NMRK1: variants seen among roughly 807,000 people sequenced by gnomAD.
The protein encoded by NMRK1 is NRK 1.
Under a neutral mutation model 29.9 loss-of-function variants are expected in NMRK1, and 28 were observed. The ratio of observed to expected loss-of-function variants is 0.94; its 90% CI spans 0.69 to 1.28. The LOEUF is 1.28. Among genes scored for constraint, NMRK1 ranks in the 50% most tolerant of loss-of-function variants. The pLI is 0.00. For synonymous variants in NMRK1, 58 were observed against 73.0 expected, an observed-to-expected ratio of 0.79 and a Z score of 1.05; for missense variants, 218 against 233.1, an observed-to-expected ratio of 0.94 and a Z score of 0.42.
chr9:75,078,526 G>C (rs1215907977), intron 2 of NMRK1: 3 of 1,301,642 alleles, frequency 2.3e-6, no homozygotes, highest in Non-Finnish European at 2.9e-6. Flanking sequence ...ACACGGGAGG[G>C]AGGCACTTCT....
At chr9:75,064,827 T>C (rs949545708) in intron 8 of NMRK1, among the ~76,000 whole-genome samples, 12 of 152,242 alleles carry the variant, frequency 7.9e-5, no homozygotes, top group Non-Finnish European at 1.6e-4. Context: ...AGTCATACTG[T>C]CTTCTCTGAG....
At chr9:75,063,368 TAAAAC>T (rs1823150449) in intron 8 of NMRK1, among the ~76,000 whole-genome samples, 1 of 148,694 alleles carries the variant, frequency 6.7e-6, no homozygotes, top group African/African-American at 2.5e-5. Context: ...TAAAAATAAA[TAAAAC>T]AAAAAATAAA....
chr9:75,076,145 T>G (rs1482985932), intron 4 of NMRK1, among the ~76,000 whole-genome samples: 1 of 152,226 alleles, frequency 6.6e-6, no homozygotes, highest in Non-Finnish European at 1.5e-5. Flanking sequence ...TGCAGCACTA[T>G]TCACAAATAG....
At position 75,069,102 on chromosome 9, in the gene NMRK1, A is replaced by C; in HGVS notation, c.390T>G (p.Ser130Arg). Reference protein sequence around the residue: ...IPYEECKRRRSTRVYQPPDSP... With the variant: ...IPYEECKRRRRTRVYQPPDSP... ...AGTCTGGAGGCTGATAGACCCTTGTACTATCAAAACACGTAGGAAACTTTA... is the reference window on the plus strand; with the variant it reads ...AGTCTGGAGGCTGATAGACCCTTGTCCTATCAAAACACGTAGGAAACTTTA... Residue 130 changes from serine to arginine, a missense_variant and splice_region_variant, in exon 7 of 9, where the codon AGT becomes AGG. Coordinates refer to ENST00000361092, the MANE Select transcript of NMRK1 (RefSeq NM_017881.3). The C allele has an allele frequency of 1.3e-6, 2 of 1,599,044 alleles. No homozygotes were observed. The highest frequency in any genetic ancestry group is 1.7e-5 in the Admixed American group (1 of 59,542).
chr9:75,063,148 T>C (rs993669406), intron 8 of NMRK1, among the ~76,000 whole-genome samples: 3 of 150,988 alleles, frequency 2.0e-5, no homozygotes. Context: ...ACTAAAAAAA[T>C]ATAAAAAATT....
intron 7 of NMRK1, among the ~76,000 whole-genome samples, chr9:75,068,430 T>G (rs943611657): frequency 6.6e-6 from 1 of 152,226 alleles, no homozygotes; most frequent in African/African-American, 2.4e-5. Context: ...GAAAGCTTTC[T>G]CAACACCAGC....
At chr9:75,066,207 T>C in intron 8 of NMRK1, 3 of 500,050 alleles carry the variant, frequency 6.0e-6, no homozygotes, top group Non-Finnish European at 1.2e-5. Context: ...CAGCTGAGCC[T>C]GAAGCCACCA....
intron 1 of NMRK1, among the ~76,000 whole-genome samples, chr9:75,083,998 A>G (rs949779612): frequency 2.6e-5 from 4 of 152,212 alleles, no homozygotes; most frequent in Non-Finnish European, 5.9e-5. Context: ...GCAAATGTTC[A>G]GGCAGAGGGC....
At chr9:75,070,065 A>G (rs780490385) in intron 4 of NMRK1, 23 bp from the exon 5 acceptor site, 1 of 1,601,290 alleles carries the variant, frequency 6.2e-7, no homozygotes. Context: ...ACACAAAAAT[A>G]TGCAATCAAT....
At chr9:75,079,232 G>A (rs929894151) in intron 2 of NMRK1, among the ~76,000 whole-genome samples, 1 of 152,132 alleles carries the variant, frequency 6.6e-6, no homozygotes, top group African/African-American at 2.4e-5. Flanking sequence ...TATACAATTG[G>A]GTAGGATATG....
Position 75,085,739 on chromosome 9 carries a change from T to G in NMRK1, c.-36+2269A>C, listed in dbSNP as rs1006475181. Reference sequence around the variant, plus strand: ...AGTCAAATGTAAGTTTTTTTTTTTTTTTTTTTTTTTTTTTAACCAAAACAG... The same window carrying G: ...AGTCAAATGTAAGTTTTTTTTTTTTGTTTTTTTTTTTTTTAACCAAAACAG... On this transcript the variant is annotated intron_variant, in intron 1 of 8. Coordinates refer to ENST00000361092, the MANE Select transcript of NMRK1 (RefSeq NM_017881.3). Among the ~76,000 whole-genome samples the G allele has an allele frequency of 5.3e-4, 79 of 150,146 alleles. No homozygotes were observed. In the East Asian group the frequency reaches 0.015, roughly 28 times the overall value.
At chr9:75,080,303 T>A (rs1359238617) in intron 2 of NMRK1, among the ~76,000 whole-genome samples, 3 of 152,146 alleles carry the variant, frequency 2.0e-5, no homozygotes, top group Non-Finnish European at 4.4e-5. Context: ...AAGGTTATCA[T>A]CTCTTTCCCC....
chr9:75,087,451 C>CTCAA (rs1477895932), intron 1 of NMRK1: 1 of 152,070 alleles, frequency 6.6e-6, no homozygotes, highest in African/African-American at 2.4e-5. Context: ...CCAGCTGCTA[C>CTCAA]TCAACCCTGC....
chr9:75,071,787 G>A (rs1823714311), intron 4 of NMRK1, among the ~76,000 whole-genome samples: 1 of 152,136 alleles, frequency 6.6e-6, no homozygotes, highest in African/African-American at 2.4e-5. Flanking sequence ...TGCTAGTTGT[G>A]GGTAGAAGTT....
chr9:75,064,115 GTCAGCTGTTCTTGGGCT>G (rs1197062529), intron 8 of NMRK1, among the ~76,000 whole-genome samples: 1 of 152,180 alleles, frequency 6.6e-6, no homozygotes, highest in Admixed American at 6.5e-5. Context: ...GTCAAAACAT[GTCAGCTGTTCTTGGGCT>G]TTGGAACAGA....
chr9:75,077,169 CA>C lies in NMRK1; in HGVS notation c.158del (p.Leu53CysfsTer14). On this transcript the variant is annotated frameshift_variant, in exon 4 of 9. Coordinates refer to ENST00000361092, the MANE Select transcript of NMRK1 (RefSeq NM_017881.3). LOFTEE classifies it high-confidence loss of function. The stretch of plus-strand genomic sequence containing the variant: ...AGTAAATCTACTTACCATCGTACTG[CA>C]AAAATCCATTTTTATCTGTCTCTAT... ...SEIETDKNGF[L>X]QYDVLEALNM... is the part of the protein sequence containing the mutation. 6.3e-7 allele frequency: 1 copy of C among 1,589,292 alleles called. No homozygotes were observed. Among genetic ancestry groups the C allele is most frequent in the Non-Finnish European group, 8.6e-7 (1 of 1,160,974 alleles).
At chr9:75,078,348 G>A (rs374894332) in intron 2 of NMRK1, 46 of 1,572,794 alleles carry the variant, frequency 2.9e-5, no homozygotes, top group African/African-American at 1.9e-4. Context: ...TTTCCTCTGC[G>A]ATGCCTCCTT....
chr9:75,061,431 C>T lies in NMRK1; in HGVS notation c.*117G>A. On this transcript the variant is annotated 3_prime_UTR_variant, in exon 9 of 9. Transcript: ENST00000361092. ...AAAACCATGTGCAATAAAAATCAAA[C>T]ATATGAAACAATGGCTGTCATTGTA... 1 of 779,108 alleles carries T rather than the reference C, an allele frequency of 1.3e-6. No homozygotes were observed. Among genetic ancestry groups the T allele is most frequent in the Non-Finnish European group, 2.2e-6 (1 of 462,688 alleles). 48.3% of individuals were successfully genotyped at this position (779,108 alleles called of 1,614,324 possible). A position where few individuals can be genotyped will look rare whatever the true frequency, so the allele number is the denominator to read the frequency against.
intron 2 of NMRK1, among the ~76,000 whole-genome samples, chr9:75,079,466 G>A (rs1396138130): frequency 2.0e-5 from 3 of 152,174 alleles, no homozygotes; most frequent in Non-Finnish European, 4.4e-5. Context: ...ACTTATCTCT[G>A]TTAAGATCAC....
Sources: allele counts gnomAD v4.1 joint callset (sites outside exome capture counted in the v4.1 genomes callset), GRCh38; gene constraint gnomAD v4.1.1; transcripts MANE v1.5; gene names NCBI Gene and HGNC (gene_info 2026-07-23, HGNC 2026-07-21).